The following DNAH17 variants were observed in gnomAD, a reference collection of about 807,000 sequenced individuals.
The protein encoded by DNAH17 is axonemal beta dynein heavy chain 17.
In DNAH17, 376 loss-of-function variants were observed where a neutral mutation model predicts 485.6. That is an observed-to-expected ratio of 0.77 (90% CI 0.71 to 0.84). The LOEUF is 0.84. DNAH17 is among the 40% of genes least tolerant of loss of function. The pLI, the probability that DNAH17 is intolerant of heterozygous loss-of-function variation, is 0.00. For missense variants in DNAH17, 6,370 were observed against 5,839.3 expected (o/e 1.09, Z -2.96); for synonymous variants, 3,031 against 2,405.9 (o/e 1.26, Z -7.60).
At chr17:78,465,175 G>T (rs1231146395) in intron 56 of DNAH17, among the ~76,000 whole-genome samples, 1 of 152,202 alleles carries the variant, frequency 6.6e-6, no homozygotes, top group Non-Finnish European at 1.5e-5. Context: ...CAAGTGATCC[G>T]CCAGCCTCGG....
intron 43 of DNAH17, 87 bp downstream of exon 43, chr17:78,491,356 C>A: frequency 1.3e-6 from 2 of 1,523,410 alleles, no homozygotes; most frequent in South Asian, 1.3e-5. Context: ...GCATGCAGGG[C>A]CTGAGTGCTC....
Position 78,505,393 on chromosome 17 carries a change from C to G in DNAH17, c.4856G>C (p.Arg1619Pro). ...LFDSLCKLKF[R>P]LDASDKPLKV... ...GAGAGGTTTGTCACTGGCATCGAGC[C>G]GGAACTTCAGTTTACACAGGCTATC... Residue 1619 changes from arginine to proline, a missense_variant, in exon 31 of 81, where the codon CGG becomes CCG. Physicochemically the swap from Arg to Pro is moderately radical, Grantham distance 103 (BLOSUM62 -2). Transcript: ENST00000389840. 2.5e-6 allele frequency: 4 copies of G among 1,613,970 alleles called. No homozygotes were observed. Among genetic ancestry groups the G allele is most frequent in the Non-Finnish European group, 3.4e-6 (4 of 1,179,880 alleles).
At chr17:78,475,191 T>C (rs1723114288) in intron 54 of DNAH17, 87 bp downstream of exon 54, 2 of 1,444,676 alleles carry the variant, frequency 1.4e-6, no homozygotes, top group Non-Finnish European at 1.9e-6. Flanking sequence ...CTGTACTCGC[T>C]GGCTTCATTT....
At chr17:78,491,403 C>A in intron 43 of DNAH17, 40 bp downstream of exon 43, 2 of 1,603,782 alleles carry the variant, frequency 1.2e-6, no homozygotes, top group South Asian at 2.2e-5. Context: ...TTGTCCCTGC[C>A]TTGGGTGGCC....
chr17:78,560,465 C>G (rs559080983), intron 13 of DNAH17, among the ~76,000 whole-genome samples: 2 of 146,574 alleles, frequency 1.4e-5, no homozygotes, highest in African/African-American at 4.9e-5. Flanking sequence ...TATCTAGATT[C>G]GGCAAAGACT....
rs1481006717 is a variant in DNAH17 at position 78,425,521 on chromosome 17, C to A, written c.12966G>T (p.Leu4322=). ...ACGACTGGGGGTTGAAGAAGCCGGCCAGCCACACGGTGGTGGGCAGGGCAA... is the reference window on the plus strand; with the variant it reads ...ACGACTGGGGGTTGAAGAAGCCGGCAAGCCACACGGTGGTGGGCAGGGCAA... ...TDFALPTTVW[L]AGFFNPQSFL... The change falls in exon 80 of 81, where the codon CTG becomes CTT. Residue 4322 remains leucine, a synonymous_variant. Transcript: ENST00000389840. 6.2e-7 allele frequency: 1 copy of A among 1,613,888 alleles called. No homozygotes were observed. Among genetic ancestry groups the A allele is most frequent in the South Asian group, 1.1e-5 (1 of 91,088 alleles).
intron 75 of DNAH17, among the ~76,000 whole-genome samples, chr17:78,431,241 AC>A (rs2086660058): frequency 6.6e-6 from 1 of 152,046 alleles, no homozygotes; most frequent in Non-Finnish European, 1.5e-5. Context: ...GCGACTTACA[AC>A]CTTCTCTGTC....
chr17:78,520,037 G>A (rs2090895326), intron 25 of DNAH17, among the ~76,000 whole-genome samples: 1 of 152,150 alleles, frequency 6.6e-6, no homozygotes, highest in African/African-American at 2.4e-5. Context: ...CTTGAACCCA[G>A]GAGGCAGAGG....
At chr17:78,469,496 T>G (rs374493628) in intron 54 of DNAH17, among the ~76,000 whole-genome samples, 1 of 152,170 alleles carries the variant, frequency 6.6e-6, no homozygotes, top group East Asian at 1.9e-4. Flanking sequence ...ATGCTTATAA[T>G]TCTAGGGCTT....
chr17:78,489,299 G>A (rs1422717578), intron 44 of DNAH17: 1 of 152,338 alleles, frequency 6.6e-6, no homozygotes, highest in Admixed American at 6.5e-5. Context: ...CCTGAAAACA[G>A]CCATGCCTGC....
Position 78,571,005 on chromosome 17 carries a change from G to C in DNAH17, c.861C>G (p.Leu287=), listed in dbSNP as rs1232504149. 6 of 1,579,870 alleles carry C rather than the reference G, an allele frequency of 3.8e-6. No individual in the cohort carries two copies. Among genetic ancestry groups the C allele is most frequent in the Middle Eastern group, 1.7e-4 (1 of 6,030 alleles). ...EGLKEANDIV[L]YLKPLRILLE... is the part of the protein sequence containing the mutation. ...GCAGGATCCGTAGGGGCTTCAAATA[G>C]AGCACGATGTCGTTGGCTTCCTTCA... The change falls in exon 6 of 81, where the codon CTC becomes CTG. Residue 287 remains leucine (L), a synonymous_variant. Transcript: ENST00000389840.
chr17:78,423,723 C>T lies in DNAH17; in HGVS notation c.*183G>A. 1.4e-6 allele frequency: 1 copy of T among 735,018 alleles called. No individual in the cohort carries two copies. Among genetic ancestry groups the T allele is most frequent in the Non-Finnish European group, 2.2e-6 (1 of 455,292 alleles). The allele number at this position is 735,018 out of a possible 1,614,324, so 45.5% of individuals were successfully genotyped here. A position where few individuals can be genotyped will look rare whatever the true frequency, so the allele number is the denominator to read the frequency against. ...GAGTGGCTCCACTGGCTTTAATCTG[C>T]CCCACCTCTTCCACACCAACCTCCA... On this transcript the variant is annotated 3_prime_UTR_variant, in exon 81 of 81. Coordinates refer to ENST00000389840, the MANE Select transcript of DNAH17 (RefSeq NM_173628.4).
chr17:78,485,098 G>C, intron 47 of DNAH17, 65 bp from the exon 48 acceptor site: 1 of 1,505,728 alleles, frequency 6.6e-7, no homozygotes, highest in East Asian at 2.3e-5. Context: ...TAGGTAGGGA[G>C]GGGCGCTACC....
intron 41 of DNAH17, 21 bp from the exon 42 acceptor site, chr17:78,492,786 T>C: frequency 6.2e-7 from 1 of 1,605,174 alleles, no homozygotes; most frequent in South Asian, 1.1e-5. Context: ...TGGGGGTCAC[T>C]CACGTGTGAC....
intron 56 of DNAH17, among the ~76,000 whole-genome samples, chr17:78,465,932 C>T (rs889367912): frequency 5.9e-5 from 9 of 152,270 alleles, no homozygotes; most frequent in African/African-American, 2.2e-4. Context: ...GGGAGGTGTG[C>T]CCAGCAGCTC....
intron 48 of DNAH17, among the ~76,000 whole-genome samples, chr17:78,484,448 G>T (rs773557498): frequency 6.6e-6 from 1 of 152,124 alleles, no homozygotes; most frequent in South Asian, 2.1e-4. Flanking sequence ...CTCTGCTGGG[G>T]CTCCCAGCTG....
intron 76 of DNAH17, among the ~76,000 whole-genome samples, 198 bp downstream of exon 76, chr17:78,428,923 T>TA (rs2086576362): frequency 2.5e-5 from 2 of 79,150 alleles, no homozygotes; most frequent in East Asian, 3.8e-4. Flanking sequence ...ATTTCTTTCT[T>TA]TAAAAAAAAA....
chr17:78,504,981 C>T (rs1403083430), intron 31 of DNAH17, among the ~76,000 whole-genome samples: 8 of 141,426 alleles, frequency 5.7e-5, no homozygotes, highest in African/African-American at 8.0e-5. Flanking sequence ...TCTTGGCTCA[C>T]GGCAACCTCT....
At chr17:78,443,698 C>T (rs755478907) in intron 71 of DNAH17, among the ~76,000 whole-genome samples, 12 of 152,114 alleles carry the variant, frequency 7.9e-5, no homozygotes, top group Admixed American at 2.6e-4. Context: ...TATAGGAGCC[C>T]GCCACCGCGC....
Sources: gnomAD v4.1 joint callset for allele counts (sites outside exome capture counted in the v4.1 genomes callset) on GRCh38, gnomAD v4.1.1 for gene constraint, MANE v1.5 for transcripts, NCBI Gene and HGNC (gene_info 2026-07-23, HGNC 2026-07-21) for gene names.